Variants in MYO1D observed in about 807,000 individuals in gnomAD.
The protein encoded by MYO1D is myosin ID, also known as unconventional myosin-Id.
In MYO1D, 83 loss-of-function variants were observed where a neutral mutation model predicts 122.0. The ratio of observed to expected loss-of-function variants is 0.68; its 90% confidence interval spans 0.57 to 0.82. MYO1D has a LOEUF of 0.82. Ranked by LOEUF, MYO1D falls within the 40% of genes least tolerant of loss-of-function variation. The pLI is 0.00. For synonymous variants in MYO1D, 464 were observed against 446.9 expected (o/e 1.04, Z -0.48); for missense variants, 1,157 against 1,269.5 (o/e 0.91, Z 1.35).
chr17:32,543,583 CAAAT>C (rs552539854), intron 21 of MYO1D, among the ~76,000 whole-genome samples: 43 of 150,244 alleles, frequency 2.9e-4, no homozygotes, highest in African/African-American at 5.9e-4. Flanking sequence ...CAAAAACAAA[CAAAT>C]AAATAAATAA....
chr17:32,636,539 G>A (rs116041705), intron 20 of MYO1D, among the ~76,000 whole-genome samples: 384 of 152,312 alleles, frequency 2.5e-3, no homozygotes, highest in African/African-American at 8.9e-3. Flanking sequence ...CTGAAAAGGT[G>A]GCTGCCCTTC....
At chr17:32,772,865 G>A (rs771740164) in intron 4 of MYO1D, 23 bp from the exon 5 acceptor site, 16 of 1,606,084 alleles carry the variant, frequency 1.0e-5, no homozygotes, top group African/African-American at 1.3e-5. Context: ...ACATTAAAAT[G>A]GTTAACCCGA....
intron 16 of MYO1D, among the ~76,000 whole-genome samples, chr17:32,677,105 C>T (rs112833971): frequency 2.0e-5 from 3 of 152,114 alleles, no homozygotes; most frequent in Non-Finnish European, 2.9e-5. Flanking sequence ...CCACCGTGCC[C>T]GGCCAGAAGT....
chr17:32,511,672 C>G (rs1299840346), intron 21 of MYO1D, among the ~76,000 whole-genome samples: 3 of 149,926 alleles, frequency 2.0e-5, no homozygotes, highest in Non-Finnish European at 3.0e-5. Context: ...CTTGACACTT[C>G]TATTAACAGC....
At chr17:32,634,714 G>A (rs1597956029) in intron 20 of MYO1D, among the ~76,000 whole-genome samples, 2 of 152,238 alleles carry the variant, frequency 1.3e-5, no homozygotes, top group Admixed American at 1.3e-4. Context: ...GGAGATTCAT[G>A]AGCACAATTT....
At chr17:32,720,947 G>A in intron 15 of MYO1D, 76 bp downstream of exon 15, 1 of 1,397,276 alleles carries the variant, frequency 7.2e-7, no homozygotes, top group Non-Finnish European at 9.6e-7. Context: ...TGCCTAATAT[G>A]TGCTGATGCA....
At chr17:32,609,087 C>T (rs1050408330) in intron 20 of MYO1D, among the ~76,000 whole-genome samples, 44 of 152,236 alleles carry the variant, frequency 2.9e-4, no homozygotes, top group African/African-American at 8.9e-4. Context: ...CAAATTTACG[C>T]CCATACTAAG....
Position 32,654,625 on chromosome 17 carries a change from C to G in MYO1D, c.2346-4G>C. ...GATGAGCTGGGATGCTCTCCATCTA[C>G]AAGTAAATAGACAACATGTATTAGA... is the stretch of plus-strand genomic sequence containing the variant. On this transcript the variant is annotated splice_polypyrimidine_tract_variant and splice_region_variant and intron_variant, in intron 17 of 21. Transcript: ENST00000318217. 1 of 1,598,508 alleles carries G rather than the reference C, an allele frequency of 6.3e-7. No homozygotes were observed. The highest frequency in any genetic ancestry group is 8.5e-7 in the Non-Finnish European group (1 of 1,173,296).
chr17:32,539,012 T>C (rs1468224446), intron 21 of MYO1D, among the ~76,000 whole-genome samples: 1 of 151,958 alleles, frequency 6.6e-6, no homozygotes, highest in Non-Finnish European at 1.5e-5. Context: ...CTGGGCTTAA[T>C]ACCTAGGTGA....
At chr17:32,765,710 G>A (rs1033812181) in intron 7 of MYO1D, among the ~76,000 whole-genome samples, 1 of 152,024 alleles carries the variant, frequency 6.6e-6, no homozygotes, top group South Asian at 2.1e-4. Context: ...CACCCACCTC[G>A]GCCTCCCAAA....
At chr17:32,500,145 G>A (rs2150852135) in intron 21 of MYO1D, among the ~76,000 whole-genome samples, 1 of 152,328 alleles carries the variant, frequency 6.6e-6, no homozygotes, top group East Asian at 1.9e-4. Context: ...AGGTGCTGAT[G>A]GGCAACACTG....
At chr17:32,629,564 C>T (rs1417939028) in intron 20 of MYO1D, among the ~76,000 whole-genome samples, 1 of 152,030 alleles carries the variant, frequency 6.6e-6, no homozygotes, top group Non-Finnish European at 1.5e-5. Flanking sequence ...GAAACCTCGT[C>T]TCTACTAAAA....
intron 1 of MYO1D, among the ~76,000 whole-genome samples, chr17:32,838,387 C>T (rs1405371837): frequency 2.0e-5 from 3 of 152,056 alleles, no homozygotes; most frequent in East Asian, 1.9e-4. Context: ...TCAGTTCCAT[C>T]GATTTGGTCT....
chr17:32,851,182 C>T (rs537183237), intron 1 of MYO1D, among the ~76,000 whole-genome samples: 62 of 152,204 alleles, frequency 4.1e-4, no homozygotes, highest in Non-Finnish European at 8.2e-4. Flanking sequence ...TCTACCATTC[C>T]CCCCACTCTC....
chr17:32,837,536 T>C (rs548209406), intron 1 of MYO1D, among the ~76,000 whole-genome samples: 125 of 152,292 alleles, frequency 8.2e-4, no homozygotes, highest in African/African-American at 2.8e-3. Flanking sequence ...TTCTAATTTT[T>C]GCTTTAATTA....
intron 21 of MYO1D, among the ~76,000 whole-genome samples, chr17:32,508,870 G>A (rs1157636978): frequency 6.6e-6 from 1 of 152,202 alleles, no homozygotes; most frequent in Non-Finnish European, 1.5e-5. Context: ...CCTGTTTGCT[G>A]TGTGCTTCTG....
chr17:32,823,866 G>A (rs1394703799), intron 1 of MYO1D, among the ~76,000 whole-genome samples: 1 of 152,048 alleles, frequency 6.6e-6, no homozygotes, highest in Non-Finnish European at 1.5e-5. Context: ...AGGGGATCGA[G>A]ACCATCCTGG....
intron 1 of MYO1D, among the ~76,000 whole-genome samples, chr17:32,834,927 C>T (rs893808228): frequency 2.6e-5 from 4 of 152,142 alleles, no homozygotes; most frequent in Non-Finnish European, 5.9e-5. Context: ...CAGGAGAATC[C>T]GCTGAACCCG....
At chr17:32,872,270 T>TTTTA (rs1445265836) in intron 1 of MYO1D, among the ~76,000 whole-genome samples, 1 of 151,856 alleles carries the variant, frequency 6.6e-6, no homozygotes, top group Non-Finnish European at 1.5e-5. Context: ...CACAAGCAGG[T>TTTTA]TTTATTTATT....
Sources: allele counts gnomAD v4.1 joint callset (sites outside exome capture counted in the v4.1 genomes callset), GRCh38; gene constraint gnomAD v4.1.1; transcripts MANE v1.5; gene names NCBI Gene and HGNC (gene_info 2026-07-23, HGNC 2026-07-21).